The following PLCXD1 variants were observed in gnomAD, a reference collection of about 807,000 sequenced individuals.
The protein encoded by PLCXD1 is phosphatidylinositol specific phospholipase C X domain containing 1.
Under a neutral mutation model 37.8 loss-of-function variants are expected in PLCXD1, and 45 were observed. The observed-to-expected ratio is 1.19, with a 90% CI of 0.94 to 1.53. The LOEUF is 1.53. PLCXD1 is among the 40% of genes most tolerant of loss of function. The pLI, the probability that PLCXD1 is intolerant of heterozygous loss-of-function variation, is 0.00. For missense variants in PLCXD1, 539 were observed against 454.7 expected, an observed-to-expected ratio of 1.19 and a Z score of -1.69; for synonymous variants, 246 against 206.9, an observed-to-expected ratio of 1.19 and a Z score of -1.62.
rs192270531 is a variant in PLCXD1, at chrX:295,358, G to A, written c.733+2140G>A. 5.7e-4 allele frequency among the ~76,000 whole-genome samples: 86 copies of A among 152,072 alleles called. 1 individual carries two copies. The highest frequency in any genetic ancestry group is 1.9e-3 in the African/African-American group (78 of 41,512). On this transcript the variant is annotated intron_variant, in intron 6 of 6. Coordinates refer to ENST00000381657, the MANE Select transcript of PLCXD1 (RefSeq NM_018390.4). ...GGACGGTGGCAGGTGGGGCCGTCTC[G>A]GTCCTGCAGCCTGCGGCTGGGTTCT...
chrX:291,487 C>G lies in PLCXD1; in HGVS notation c.394-12C>G. The G allele has an allele frequency of 6.2e-7, 1 of 1,612,122 alleles. No homozygotes were observed. Among genetic ancestry groups the G allele is most frequent in the Non-Finnish European group, 8.5e-7 (1 of 1,179,772 alleles). ...AGTCGTGCAGGACTCAGCCCAGCAC[C>G]CCCCTCCCCAGGACACACTCACGGA... is the stretch of plus-strand genomic sequence containing the variant. On this transcript the variant is annotated splice_polypyrimidine_tract_variant and intron_variant, in intron 4 of 6. Coordinates refer to ENST00000381657, the MANE Select transcript of PLCXD1 (RefSeq NM_018390.4).
chrX:278,978 G>A (rs1196285171), upstream of PLCXD1, among the ~76,000 whole-genome samples: 3 of 152,176 alleles, frequency 2.0e-5, no homozygotes, highest in South Asian at 4.1e-4. Flanking sequence ...TCATTCACTT[G>A]GGTGCAAGTG....
At chrX:299,007 G>T in intron 6 of PLCXD1, 90 bp from the exon 7 acceptor site, 1 of 982,604 alleles carries the variant, frequency 1.0e-6, no homozygotes, top group South Asian at 1.3e-5. Context: ...TAATTCCTGA[G>T]ATGCGAACCT....
At chrX:288,630 GGGCGGGCAGCAGCCTGTGCTGTA>G (rs1160139654) in intron 2 of PLCXD1, 80 bp from the exon 3 acceptor site, 123 of 1,255,270 alleles carry the variant, frequency 9.8e-5, no homozygotes, top group Non-Finnish European at 1.2e-4. Flanking sequence ...CCTGTGCTGT[GGGCGGGCAGCAGCCTGTGCTGTA>G]GGCGGGCTGT....
chrX:291,889 C>T lies in PLCXD1; in HGVS notation c.549+235C>T, dbSNP rs369127823. Among the ~76,000 whole-genome samples, 10 of 152,120 alleles carry T rather than the reference C, an allele frequency of 6.6e-5. 1 individual carries two copies. Among genetic ancestry groups the T allele is most frequent in the African/African-American group, 1.7e-4 (7 of 41,454 alleles). On this transcript the variant is annotated intron_variant, in intron 5 of 6. Transcript: ENST00000381657. ...GTTTAGAAATGTGTGCAGCGTCAGC[C>T]GGGCGCGGTGGCTCACGCCTGTCAT...
chrX:276,854 A>C (rs1213839814), upstream of PLCXD1, among the ~76,000 whole-genome samples: 2 of 152,140 alleles, frequency 1.3e-5, no homozygotes, highest in Non-Finnish European at 2.9e-5. Context: ...TTCACCCAGC[A>C]ACCATTCACC....
chrX:296,147 G>C (rs2069800210), intron 6 of PLCXD1, among the ~76,000 whole-genome samples: 1 of 150,520 alleles, frequency 6.6e-6, no homozygotes, highest in Non-Finnish European at 1.5e-5. Flanking sequence ...TTGAGACAGA[G>C]TCTTGCTCTG....
chrX:292,999 C>G, intron 5 of PLCXD1, 36 bp from the exon 6 acceptor site: 1 of 1,513,044 alleles, frequency 6.6e-7, no homozygotes, highest in Non-Finnish European at 9.0e-7. Context: ...CGGCTCTCCT[C>G]TCTCCCCTGC....
chrX:294,116 C>T lies in PLCXD1; in HGVS notation c.733+898C>T, dbSNP rs189873334. On this transcript the variant is annotated intron_variant, in intron 6 of 6. Coordinates refer to ENST00000381657, the MANE Select transcript of PLCXD1 (RefSeq NM_018390.4). ...CTTTGGGAGGCCAAGGTGGGTGGAT[C>T]ACCTGAGGTCAGGAGTTTGGAGACC... Among the ~76,000 whole-genome samples the T allele has an allele frequency of 5.7e-4, 86 of 151,506 alleles. 1 individual carries two copies. Among genetic ancestry groups the T allele is most frequent in the Admixed American group, 4.5e-3 (68 of 15,182 alleles).
chrX:278,196 G>A (rs2069192451), upstream of PLCXD1, among the ~76,000 whole-genome samples: 1 of 150,990 alleles, frequency 6.6e-6, no homozygotes, highest in African/African-American at 2.4e-5. Flanking sequence ...GTGGGGACAG[G>A]AGGGGACACC....
intron 2 of PLCXD1, among the ~76,000 whole-genome samples, chrX:284,961 G>A (rs1298051351): frequency 1.3e-5 from 2 of 152,068 alleles, no homozygotes; most frequent in South Asian, 2.1e-4. Flanking sequence ...CCCGTGATTC[G>A]GTGACCTCCC....
At chrX:294,975 C>A (rs932338053) in intron 6 of PLCXD1, among the ~76,000 whole-genome samples, 1 of 151,836 alleles carries the variant, frequency 6.6e-6, no homozygotes, top group Non-Finnish European at 1.5e-5. Flanking sequence ...CAGGAGTTTG[C>A]GACCAGTCTG....
chrX:282,254 C>T (rs1478704156), intron 1 of PLCXD1, among the ~76,000 whole-genome samples: 1 of 152,190 alleles, frequency 6.6e-6, no homozygotes, highest in East Asian at 1.9e-4. Context: ...TGGTGGCGGA[C>T]GCCTGTAATC....
chrX:287,600 A>G (rs1331176722), intron 2 of PLCXD1, among the ~76,000 whole-genome samples: 9 of 61,550 alleles, frequency 1.5e-4, no homozygotes, highest in South Asian at 7.8e-4. Context: ...ATATATGTTT[A>G]TATATAGATA....
In PLCXD1 at chrX:300,847, G is replaced by A. The variant is rs1006863181; in HGVS notation, c.*1512G>A. On this transcript the variant is annotated 3_prime_UTR_variant, in exon 7 of 7. Transcript: ENST00000381657. ...GCCTCCCGAGTAGCTGGGATGACAG[G>A]CATGTGCCACCACACCCGACTAATT... The A allele has an allele frequency of 2.6e-5, 4 of 152,092 alleles. No homozygotes were observed. The highest frequency in any genetic ancestry group is 5.9e-5 in the Non-Finnish European group (4 of 68,032). The allele number at this position is 152,092 out of a possible 1,614,324, so 9.4% of individuals were successfully genotyped here. A position where few individuals can be genotyped will look rare whatever the true frequency, so the allele number is the denominator to read the frequency against.
upstream of PLCXD1, among the ~76,000 whole-genome samples, chrX:276,706 G>A (rs2069163821): frequency 6.6e-6 from 1 of 152,152 alleles, no homozygotes; most frequent in Non-Finnish European, 1.5e-5. Context: ...GAGCCCGGGG[G>A]CCACGACTTG....
chrX:292,733 C>T (rs1475777332), intron 5 of PLCXD1, among the ~76,000 whole-genome samples: 1 of 151,970 alleles, frequency 6.6e-6, no homozygotes, highest in Non-Finnish European at 1.5e-5. Context: ...CTACCTCAGC[C>T]TTCTGACTAG....
chrX:290,766 C>T lies in PLCXD1; in HGVS notation c.383C>T (p.Ala128Val), dbSNP rs779048786. The T allele has an allele frequency of 6.2e-6, 10 of 1,613,350 alleles. No individual in the cohort carries two copies. Among genetic ancestry groups the T allele is most frequent in the South Asian group, 1.1e-5 (1 of 91,038 alleles). ...LHFVHMVYTTALVEDTLTEIS... is the reference protein window; with the variant it reads ...LHFVHMVYTTVLVEDTLTEIS... ...TTTGTCCATATGGTGTACACAACGG[C>T]GCTGGTGGAGGTGCGGCCGGGCTGA... Residue 128 changes from alanine (A) to valine (V), a missense_variant, in exon 4 of 7, where the codon GCG becomes GTG. Ala to Val is a moderately conservative substitution (Grantham distance 64). Coordinates refer to ENST00000381657, the MANE Select transcript of PLCXD1 (RefSeq NM_018390.4).
At chrX:279,117 G>C (rs2069210912), upstream of PLCXD1, among the ~76,000 whole-genome samples, 1 of 152,186 alleles carries the variant, frequency 6.6e-6, no homozygotes, top group Non-Finnish European at 1.5e-5. Flanking sequence ...ATTGCAAGGT[G>C]CGTGGTGCAC....
Sources: gnomAD v4.1 joint callset for allele counts (sites outside exome capture counted in the v4.1 genomes callset) on GRCh38, gnomAD v4.1.1 for gene constraint, MANE v1.5 for transcripts, NCBI Gene and HGNC (gene_info 2026-07-23, HGNC 2026-07-21) for gene names.